DTX1: variants seen among roughly 807,000 people sequenced by gnomAD.
The protein encoded by DTX1 is deltex E3 ubiquitin ligase 1.
DTX1 carries 26 observed loss-of-function variants against 57.8 expected under a neutral mutation model. The ratio of observed to expected loss-of-function variants is 0.45; its 90% CI spans 0.33 to 0.62. The LOEUF is 0.62. Ranked by LOEUF, DTX1 falls within the 20% of genes least tolerant of loss-of-function variation. The pLI is 0.02. For synonymous variants in DTX1, 398 were observed against 394.1 expected, an observed-to-expected ratio of 1.01 and a Z score of -0.12; for missense variants, 704 against 895.3, an observed-to-expected ratio of 0.79 and a Z score of 2.73.
Position 113,094,958 on chromosome 12 carries a change from C to T in DTX1, c.1386+11C>T, listed in dbSNP as rs750677868. On this transcript the variant is annotated intron_variant, in intron 7 of 9. Coordinates refer to ENST00000548759, the MANE Select transcript of DTX1 (RefSeq NM_004416.3). Reference sequence around the variant, plus strand: ...TCCAATGGCAACAAGGTGGGTTGGGCGGGACAATGGCTGAGGAGTGGGCAG... The same window carrying T: ...TCCAATGGCAACAAGGTGGGTTGGGTGGGACAATGGCTGAGGAGTGGGCAG... 4.6e-5 allele frequency: 74 copies of T among 1,610,478 alleles called. No individual in the cohort carries two copies. The highest frequency in any genetic ancestry group is 5.8e-5 in the Non-Finnish European group (68 of 1,177,434).
intron 2 of DTX1, among the ~76,000 whole-genome samples, chr12:113,067,844 C>A (rs1321875904): frequency 6.6e-6 from 1 of 150,524 alleles, no homozygotes; most frequent in African/African-American, 2.5e-5. Flanking sequence ...CCAGCCTGAG[C>A]AATGTAGTGA....
At position 113,077,513 on chromosome 12, in the gene DTX1, G is replaced by T; in HGVS notation, c.349G>T (p.Ala117Ser). The change falls in exon 3 of 10, where the codon GCA becomes TCA. Residue 117 changes from alanine (A) to serine (S), a missense_variant. This residue lies in a region of DTX1 where 237 missense variants were observed against 328.6 expected (regional missense o/e 0.72). Transcript: ENST00000548759. The surrounding 1 kb of genome is among the most constrained non-coding windows in gnomAD (Gnocchi z 7.8). ...GTGGGAGTGGGAGAACGACGGCGGC[G>T]CATGGACGGCCTACGATATGGACAT... The part of the protein sequence containing the change: ...IVWEWENDGG[A>S]WTAYDMDICI... 1.2e-6 allele frequency: 2 copies of T among 1,609,598 alleles called. No individual in the cohort carries two copies. The highest frequency in any genetic ancestry group is 4.5e-5 in the East Asian group (2 of 44,858).
At chr12:113,089,049 G>A (rs916545054) in intron 3 of DTX1, among the ~76,000 whole-genome samples, 4 of 152,190 alleles carry the variant, frequency 2.6e-5, no homozygotes, top group African/African-American at 9.7e-5. Flanking sequence ...TCGGGAAGGT[G>A]TCTCAGATAA....
In DTX1 at chr12:113,090,789, C is replaced by T. The variant is rs191415574; in HGVS notation, c.942-2373C>T. On this transcript the variant is annotated intron_variant, in intron 3 of 9. Transcript: ENST00000548759. ...ACCAAGTGGGTGTGTGTGCGCTGCA[C>T]CTGTGTGCATGTGTGATTGTGCCTC... Among the ~76,000 whole-genome samples, 18 of 152,296 alleles carry T rather than the reference C, an allele frequency of 1.2e-4. No individual in the cohort carries two copies. In the East Asian group the frequency reaches 3.5e-3, roughly 29 times the overall value.
intron 3 of DTX1, among the ~76,000 whole-genome samples, chr12:113,083,240 C>G (rs2044830736): frequency 6.6e-6 from 1 of 152,190 alleles, no homozygotes; most frequent in Admixed American, 6.5e-5. Context: ...ATTCTGAGGT[C>G]CTGAGGCTTA....
chr12:113,082,483 G>C (rs1249494435), intron 3 of DTX1, among the ~76,000 whole-genome samples: 2 of 152,200 alleles, frequency 1.3e-5, no homozygotes, highest in Admixed American at 6.5e-5. Context: ...TGAGGGGAAA[G>C]GGATGGAGGT....
intron 3 of DTX1, among the ~76,000 whole-genome samples, chr12:113,082,784 G>T (rs1028872879): frequency 3.9e-5 from 6 of 152,072 alleles, no homozygotes; most frequent in Non-Finnish European, 8.8e-5. Context: ...TTTTTGTAGG[G>T]ACAGGATCTC....
chr12:113,090,616 C>T (rs759999653), intron 3 of DTX1, among the ~76,000 whole-genome samples: 2 of 152,176 alleles, frequency 1.3e-5, no homozygotes, highest in Non-Finnish European at 2.9e-5. Context: ...CTGCCTCCCT[C>T]GGGAGCTGTG....
At position 113,093,442 on chromosome 12, in the gene DTX1, CCCA is replaced by C; in HGVS notation, c.1004-94_1004-92del. On this transcript the variant is annotated intron_variant, in intron 4 of 9. Transcript: ENST00000548759. This position sits in a 1 kb window ranked among gnomAD's most constrained non-coding sequence, Gnocchi z 4.2. ...GGGTGGGGCCCAAGAGCGCAACCCTCCCACCCACCCGAGGGCCCCGGGATTCCC... is the reference window on the plus strand; with the variant it reads ...GGGTGGGGCCCAAGAGCGCAACCCTCCCCACCCGAGGGCCCCGGGATTCCC... 2.8e-6 allele frequency: 2 copies of C among 713,940 alleles called. No homozygotes were observed. Among genetic ancestry groups the C allele is most frequent in the Non-Finnish European group, 4.5e-6 (2 of 440,302 alleles). 44.2% of individuals were successfully genotyped at this position (713,940 alleles called of 1,614,324 possible). A position where few individuals can be genotyped will look rare whatever the true frequency, so the allele number is the denominator to read the frequency against.
At chr12:113,069,664 C>T (rs529987007) in intron 2 of DTX1, among the ~76,000 whole-genome samples, 115 of 152,254 alleles carry the variant, frequency 7.6e-4, no homozygotes, top group African/African-American at 2.7e-3. Flanking sequence ...CCAGCCCAGC[C>T]GGTGCCCCCA....
At chr12:113,061,787 T>C (rs1035432127) in intron 2 of DTX1, among the ~76,000 whole-genome samples, 5 of 152,038 alleles carry the variant, frequency 3.3e-5, no homozygotes. Flanking sequence ...CTGCAGCCTC[T>C]TTCCCCGGGT....
intron 9 of DTX1, 44 bp downstream of exon 9, chr12:113,095,458 G>T (rs376538262): frequency 1.9e-6 from 3 of 1,611,910 alleles, no homozygotes; most frequent in African/African-American, 1.3e-5. Context: ...GCACAGGCAG[G>T]GGCTCCAGCA....
rs919878738 is a variant in DTX1 at position 113,059,345 on chromosome 12, T to C, written c.259+894T>C. On this transcript the variant is annotated intron_variant, in intron 2 of 9. Transcript: ENST00000548759. The stretch of plus-strand genomic sequence containing the variant: ...GGAGAAAATGAGAGAATGATGTTGG[T>C]GGCAGTCTTCGTGGCCATGTGGTGT... 4.7e-4 allele frequency among the ~76,000 whole-genome samples: 71 copies of C among 152,124 alleles called. 2 individuals are homozygous for C. Among genetic ancestry groups the C allele is most frequent in the Non-Finnish European group, 8.8e-5 (6 of 68,022 alleles).
In DTX1 at chr12:113,097,247, G is replaced by A. The variant is rs528322859; in HGVS notation, c.*308G>A. 57 of 332,500 alleles carry A rather than the reference G, an allele frequency of 1.7e-4. No homozygotes were observed. Among genetic ancestry groups the A allele is most frequent in the Non-Finnish European group, 1.4e-4 (26 of 180,382 alleles). The allele number at this position is 332,500 out of a possible 1,614,324, so 20.6% of individuals were successfully genotyped here. A position where few individuals can be genotyped will look rare whatever the true frequency, so the allele number is the denominator to read the frequency against. ...GTTGAACTCATGCACGCACACCCACGTGCCTGTACTTGCCCCCAGGCTGGA... is the reference window on the plus strand; with the variant it reads ...GTTGAACTCATGCACGCACACCCACATGCCTGTACTTGCCCCCAGGCTGGA... On this transcript the variant is annotated 3_prime_UTR_variant, in exon 10 of 10. Transcript: ENST00000548759.
chr12:113,085,047 C>T (rs1026815238), intron 3 of DTX1, among the ~76,000 whole-genome samples: 1 of 142,930 alleles, frequency 7.0e-6, no homozygotes, highest in African/African-American at 2.6e-5. Context: ...TTCTCAGGCC[C>T]GTACCCTTTT....
At chr12:113,070,286 T>C in intron 2 of DTX1, among the ~76,000 whole-genome samples, 1 of 152,226 alleles carries the variant, frequency 6.6e-6, no homozygotes. Context: ...GTGAAGTCTC[T>C]GACTGGGGCC....
intron 2 of DTX1, among the ~76,000 whole-genome samples, chr12:113,065,962 C>G (rs1213370689): frequency 6.6e-6 from 1 of 152,188 alleles, no homozygotes; most frequent in Non-Finnish European, 1.5e-5. Context: ...CGCCCGCCAC[C>G]TCTGTCTCTC....
intron 6 of DTX1, 46 bp downstream of exon 6, chr12:113,094,145 G>A: frequency 1.3e-6 from 2 of 1,516,318 alleles, no homozygotes; most frequent in Non-Finnish European, 1.8e-6. Flanking sequence ...GGCATGGAGG[G>A]GGCAGGAACC....
intron 2 of DTX1, among the ~76,000 whole-genome samples, chr12:113,063,422 A>G (rs933597519): frequency 1.3e-4 from 20 of 152,186 alleles, no homozygotes; most frequent in Admixed American, 1.2e-3. Flanking sequence ...ACAGAGGTGT[A>G]ACTCAGCCAC....
Sources: allele counts gnomAD v4.1 joint callset (sites outside exome capture counted in the v4.1 genomes callset), GRCh38; gene constraint gnomAD v4.1.1; regional missense constraint gnomAD v4.1.1; non-coding constraint Gnocchi (gnomAD v3.1); transcripts MANE v1.5; gene names NCBI Gene and HGNC (gene_info 2026-07-23, HGNC 2026-07-21).